The following CCDC192 variants were observed in gnomAD, a reference collection of about 807,000 sequenced individuals.
CCDC192 encodes coiled-coil domain-containing protein 192.
At chr5:127,816,329 T>TG (rs1243759977) in intron 5 of CCDC192, among the ~76,000 whole-genome samples, 1 of 152,214 alleles carries the variant, frequency 6.6e-6, no homozygotes, top group East Asian at 1.9e-4. Flanking sequence ...GACAGAGATT[T>TG]GCTAGGACCC....
chr5:127,938,624 T>C (rs1298311390), intron 6 of CCDC192, among the ~76,000 whole-genome samples: 2 of 152,266 alleles, frequency 1.3e-5, no homozygotes, highest in African/African-American at 4.8e-5. Context: ...ATTTTAAAAA[T>C]ACATTTTCTT....
chr5:127,940,370 C>G (rs892370918), intron 6 of CCDC192: 15 of 152,184 alleles, frequency 9.9e-5, no homozygotes, highest in Admixed American at 9.2e-4. Flanking sequence ...GACTCTAAAG[C>G]TGACTTGGGT....
rs549954622 is a variant in CCDC192, at chr5:127,836,942, T to C, written c.412-38596T>C. On this transcript the variant is annotated intron_variant, in intron 5 of 6. Coordinates refer to ENST00000514853, the MANE Select transcript of CCDC192 (RefSeq NM_001317938.2). ...TACTTATGCAACTTTCTGCAACTTA[T>C]TAAATTCCTCCTCAGAAAGTGGGCT... Among the ~76,000 whole-genome samples, 127 of 82,308 alleles carry C rather than the reference T, an allele frequency of 1.5e-3. 45 individuals are homozygous for C. The South Asian group carries it at 0.026, about 17-fold the overall frequency. 54.0% of individuals were successfully genotyped at this position (82,308 alleles called of 152,430 possible). A position where few individuals can be genotyped will look rare whatever the true frequency, so the allele number is the denominator to read the frequency against.
intron 5 of CCDC192, among the ~76,000 whole-genome samples, chr5:127,850,859 C>T (rs911537065): frequency 3.9e-5 from 6 of 152,138 alleles, no homozygotes; most frequent in Non-Finnish European, 7.4e-5. Context: ...CCAGCCACTC[C>T]GGAGGCTGAG....
chr5:127,912,913 A>G (rs1753415925), intron 6 of CCDC192, among the ~76,000 whole-genome samples: 1 of 152,232 alleles, frequency 6.6e-6, no homozygotes, highest in Non-Finnish European at 1.5e-5. Flanking sequence ...GGTGGGTGAC[A>G]CTGTAGGTGT....
chr5:127,735,724 CTGTT>C (rs1752945307), intron 2 of CCDC192, among the ~76,000 whole-genome samples: 3 of 128,954 alleles, frequency 2.3e-5, no homozygotes, highest in African/African-American at 7.2e-5. Context: ...ATTTGGCTCT[CTGTT>C]TGTCTGTTGT....
At chr5:127,902,041 C>A (rs969416342) in intron 6 of CCDC192, among the ~76,000 whole-genome samples, 1 of 152,132 alleles carries the variant, frequency 6.6e-6, no homozygotes, top group African/African-American at 2.4e-5. Context: ...GAGGCTAAGG[C>A]AGGTGGATCA....
intron 5 of CCDC192, among the ~76,000 whole-genome samples, chr5:127,809,326 C>CAT (rs1757955498): frequency 6.6e-6 from 1 of 152,098 alleles, no homozygotes; most frequent in Non-Finnish European, 1.5e-5. Context: ...ATAGAATACA[C>CAT]ATATGTGAGT....
chr5:127,745,139 A>G (rs972410613), intron 2 of CCDC192, among the ~76,000 whole-genome samples: 5 of 152,212 alleles, frequency 3.3e-5, no homozygotes, highest in African/African-American at 1.2e-4. Flanking sequence ...GCAAAGTCCC[A>G]TCTGTCTTCT....
At chr5:127,739,000 G>A (rs553826558) in intron 2 of CCDC192, among the ~76,000 whole-genome samples, 54 of 152,052 alleles carry the variant, frequency 3.6e-4, no homozygotes, top group Non-Finnish European at 6.5e-4. Flanking sequence ...AGGAGGAGGA[G>A]GCGCTCTGCT....
chr5:127,749,186 G>T (rs1753970914), intron 2 of CCDC192, among the ~76,000 whole-genome samples: 1 of 151,724 alleles, frequency 6.6e-6, no homozygotes, highest in African/African-American at 2.4e-5. Flanking sequence ...TCCCTGTCTT[G>T]TCCCAGTTTT....
intron 3 of CCDC192, among the ~76,000 whole-genome samples, chr5:127,769,844 T>C (rs968811811): frequency 6.6e-6 from 1 of 151,600 alleles, no homozygotes; most frequent in African/African-American, 2.4e-5. Flanking sequence ...ATTAGAAGAG[T>C]GGTTGGGAGA....
At chr5:127,779,548 G>C (rs1756070270) in intron 3 of CCDC192, among the ~76,000 whole-genome samples, 1 of 152,100 alleles carries the variant, frequency 6.6e-6, no homozygotes, top group South Asian at 2.1e-4. Flanking sequence ...ACCCGCCTCA[G>C]CCTCCCAAAG....
intron 5 of CCDC192, among the ~76,000 whole-genome samples, chr5:127,846,534 A>G (rs1580743426): frequency 6.6e-6 from 1 of 152,096 alleles, no homozygotes; most frequent in South Asian, 2.1e-4. Context: ...CAATGGCAGG[A>G]TTTCGGCTCA....
chr5:127,763,664 C>A (rs1034093438), intron 3 of CCDC192, among the ~76,000 whole-genome samples: 12 of 152,144 alleles, frequency 7.9e-5, no homozygotes, highest in African/African-American at 2.7e-4. Flanking sequence ...TCCAGCTTTA[C>A]CTTACACCAC....
chr5:127,880,635 TA>T (rs113560035), intron 6 of CCDC192, among the ~76,000 whole-genome samples: 56 of 146,524 alleles, frequency 3.8e-4, no homozygotes, highest in Non-Finnish European at 4.7e-4. Flanking sequence ...GAAAATAAAT[TA>T]AAAAAAAAAC....
At chr5:127,927,479 T>G (rs1005650984) in intron 6 of CCDC192, among the ~76,000 whole-genome samples, 3 of 150,876 alleles carry the variant, frequency 2.0e-5, no homozygotes, top group Admixed American at 1.3e-4. Flanking sequence ...GGAAAGAGGG[T>G]GAGTACAGAC....
At chr5:127,856,480 C>G (rs1308245762) in intron 5 of CCDC192, among the ~76,000 whole-genome samples, 1 of 152,200 alleles carries the variant, frequency 6.6e-6, no homozygotes, top group Non-Finnish European at 1.5e-5. Flanking sequence ...CATGTGTTCA[C>G]TGGAGTAGCA....
At chr5:127,865,720 A>G (rs370447086) in intron 5 of CCDC192, among the ~76,000 whole-genome samples, 10 of 151,218 alleles carry the variant, frequency 6.6e-5, no homozygotes, top group African/African-American at 2.2e-4. Flanking sequence ...GGGAGGGACT[A>G]TAAAATATGT....
Sources: allele counts gnomAD v4.1 joint callset (sites outside exome capture counted in the v4.1 genomes callset), GRCh38; gene constraint gnomAD v4.1.1; transcripts MANE v1.5; gene names NCBI Gene and HGNC (gene_info 2026-07-23, HGNC 2026-07-21).